The following DTNA variants were observed in gnomAD, a reference collection of about 807,000 sequenced individuals.
The protein encoded by DTNA is dystrobrevin alpha.
DTNA carries 43 observed loss-of-function variants against 100.7 expected under a neutral mutation model. The observed-to-expected ratio is 0.43, with a 90% CI of 0.33 to 0.55. The LOEUF (loss-of-function observed/expected upper bound fraction) is 0.55. Among genes scored for constraint, DTNA ranks in the 20% least tolerant of loss-of-function variants. DTNA has a pLI of 0.04. For missense variants in DTNA, 798 were observed against 953.9 expected (o/e 0.84, Z 2.15); for synonymous variants, 349 against 347.9 (o/e 1.00, Z -0.04).
At chr18:34,593,089 C>T (rs1254630316) in intron 1 of DTNA, among the ~76,000 whole-genome samples, 1 of 152,076 alleles carries the variant, frequency 6.6e-6, no homozygotes, top group East Asian at 1.9e-4. Flanking sequence ...ATAGTGAGTC[C>T]TCGGGCTGAT....
intron 1 of DTNA, among the ~76,000 whole-genome samples, chr18:34,644,514 T>C (rs1032892316): frequency 6.6e-6 from 1 of 152,136 alleles, no homozygotes; most frequent in Non-Finnish European, 1.5e-5. Flanking sequence ...CAAAAGGCTC[T>C]CCAAGGATTT....
intron 1 of DTNA, among the ~76,000 whole-genome samples, chr18:34,570,594 A>G (rs1408420880): frequency 6.6e-6 from 1 of 152,222 alleles, no homozygotes; most frequent in Non-Finnish European, 1.5e-5. Flanking sequence ...TTTTATTCCA[A>G]AGATTTTTTT....
rs376598655 is a variant in DTNA, at chr18:34,756,094, T to C, written c.67+51T>C. 3.2e-6 allele frequency: 5 copies of C among 1,557,054 alleles called. No individual in the cohort carries two copies. The Admixed American group carries it at 5.0e-5, about 16-fold the overall frequency. On this transcript the variant is annotated intron_variant, in intron 2 of 22. Coordinates refer to ENST00000444659, the MANE Select transcript of DTNA (RefSeq NM_001386795.1). ...CCCTATAGTTTCCATTGAATACTCA[T>C]GGAAAGGCTAGAAATAACCATTTAT...
chr18:34,518,567 A>G (rs1004660926), intron 1 of DTNA, among the ~76,000 whole-genome samples: 4 of 151,574 alleles, frequency 2.6e-5, no homozygotes, highest in Non-Finnish European at 5.9e-5. Context: ...ATTTAAGTCT[A>G]TGATCTATTT....
intron 1 of DTNA, among the ~76,000 whole-genome samples, chr18:34,505,520 T>G (rs2040403302): frequency 6.6e-6 from 1 of 152,244 alleles, no homozygotes; most frequent in Non-Finnish European, 1.5e-5. Context: ...CTCTCTCTTT[T>G]TATTCTCTAA....
At chr18:34,609,778 T>C (rs2053873286) in intron 1 of DTNA, among the ~76,000 whole-genome samples, 1 of 152,208 alleles carries the variant, frequency 6.6e-6, no homozygotes, top group Non-Finnish European at 1.5e-5. Context: ...TTTCTCATCA[T>C]CAAGCAAATA....
intron 1 of DTNA, among the ~76,000 whole-genome samples, chr18:34,518,995 G>A (rs1274628266): frequency 6.6e-6 from 1 of 152,092 alleles, no homozygotes; most frequent in Non-Finnish European, 1.5e-5. Context: ...CTTACAGACA[G>A]AAAGGAGTGA....
At chr18:34,826,099 T>C (rs573519790) in intron 9 of DTNA, among the ~76,000 whole-genome samples, 5 of 152,316 alleles carry the variant, frequency 3.3e-5, no homozygotes, top group Non-Finnish European at 7.4e-5. Context: ...AACTTCAGTT[T>C]TGTCTAGAGT....
chr18:34,661,654 G>T (rs1479887690), intron 1 of DTNA, among the ~76,000 whole-genome samples: 1 of 152,126 alleles, frequency 6.6e-6, no homozygotes, highest in African/African-American at 2.4e-5. Context: ...TGAACATTCA[G>T]CTAGTTGTTT....
chr18:34,669,324 G>A (rs2076408332), intron 1 of DTNA, among the ~76,000 whole-genome samples: 1 of 152,130 alleles, frequency 6.6e-6, no homozygotes, highest in African/African-American at 2.4e-5. Context: ...GTGTGTCTCT[G>A]CACGTGAGAT....
At chr18:34,690,070 G>C (rs539755048) in intron 1 of DTNA, among the ~76,000 whole-genome samples, 2 of 152,318 alleles carry the variant, frequency 1.3e-5, no homozygotes, top group Middle Eastern at 3.4e-3. Context: ...GTGGATCTTA[G>C]TTTGCTGGGT....
intron 13 of DTNA, among the ~76,000 whole-genome samples, chr18:34,839,446 G>A (rs563203715): frequency 1.8e-4 from 27 of 152,278 alleles, no homozygotes; most frequent in Admixed American, 8.5e-4. Flanking sequence ...AGATAGCCCT[G>A]TGTACTTGGA....
intron 13 of DTNA, among the ~76,000 whole-genome samples, chr18:34,847,044 C>A (rs1363649463): frequency 6.6e-6 from 1 of 152,146 alleles, no homozygotes; most frequent in Non-Finnish European, 1.5e-5. Context: ...TGAACTGATA[C>A]ATACCACAAT....
chr18:34,745,010 A>G (rs1198904157), intron 1 of DTNA, among the ~76,000 whole-genome samples: 2 of 152,156 alleles, frequency 1.3e-5, no homozygotes, highest in African/African-American at 4.8e-5. Flanking sequence ...AATGAGACTA[A>G]TAATACCAAC....
At chr18:34,807,745 T>G (rs1174768702) in intron 5 of DTNA, among the ~76,000 whole-genome samples, 1 of 151,986 alleles carries the variant, frequency 6.6e-6, no homozygotes, top group East Asian at 1.9e-4. Context: ...CCATGTAGCT[T>G]CTCTTTTGTT....
chr18:34,835,008 T>G (rs2096107388), intron 11 of DTNA, among the ~76,000 whole-genome samples: 1 of 152,232 alleles, frequency 6.6e-6, no homozygotes, highest in African/African-American at 2.4e-5. Context: ...AAGTTTTAAG[T>G]GAAACCTGTC....
intron 1 of DTNA, among the ~76,000 whole-genome samples, chr18:34,701,726 T>C (rs2081397572): frequency 6.6e-6 from 1 of 152,162 alleles, no homozygotes; most frequent in African/African-American, 2.4e-5. Flanking sequence ...GCATCTCCAT[T>C]TATCTCAGAA....
chr18:34,669,144 C>A (rs2144940012), intron 1 of DTNA, among the ~76,000 whole-genome samples: 1 of 152,272 alleles, frequency 6.6e-6, no homozygotes, highest in South Asian at 2.1e-4. Flanking sequence ...GGATAGTTAG[C>A]ACTTCTTGTT....
At chr18:34,671,025 G>A (rs2076677545) in intron 1 of DTNA, among the ~76,000 whole-genome samples, 2 of 152,216 alleles carry the variant, frequency 1.3e-5, no homozygotes, top group Non-Finnish European at 2.9e-5. Context: ...CAGAGGTGGA[G>A]TCTACAGAGG....
Sources: allele counts gnomAD v4.1 joint callset (sites outside exome capture counted in the v4.1 genomes callset), GRCh38; gene constraint gnomAD v4.1.1; transcripts MANE v1.5; gene names NCBI Gene and HGNC (gene_info 2026-07-23, HGNC 2026-07-21).